The following KCNMB2 variants were observed in gnomAD, a reference collection of about 807,000 sequenced individuals.
KCNMB2 encodes the protein potassium calcium-activated channel subfamily M regulatory beta subunit 2, also known as calcium-activated potassium channel subunit beta-2.
Under a neutral mutation model 24.5 loss-of-function variants are expected in KCNMB2, and 9 were observed. The ratio of observed to expected loss-of-function variants is 0.37; its 90% confidence interval spans 0.22 to 0.64. KCNMB2 has a LOEUF of 0.64. KCNMB2 is among the 30% of genes least tolerant of loss of function. The probability of loss-of-function intolerance (pLI) is 0.63; values close to 1 mark genes in which losing one functional copy is unlikely to be tolerated. For synonymous variants in KCNMB2, 109 were observed against 104.4 expected (o/e 1.04, Z -0.27); for missense variants, 226 against 284.3 (o/e 0.79, Z 1.47).
intron 1 of KCNMB2, among the ~76,000 whole-genome samples, chr3:178,609,894 T>TC (rs1359074629): frequency 6.6e-6 from 1 of 152,146 alleles, no homozygotes; most frequent in Non-Finnish European, 1.5e-5. Flanking sequence ...TACCTTGGCC[T>TC]CCCAAAGTGC....
intron 1 of KCNMB2, among the ~76,000 whole-genome samples, chr3:178,773,680 T>C (rs1161762381): frequency 6.6e-6 from 1 of 152,194 alleles, no homozygotes; most frequent in East Asian, 1.9e-4. Context: ...CCAGGGATAT[T>C]CTTCCAAAGG....
At chr3:178,577,515 T>G (rs561599068) in intron 1 of KCNMB2, among the ~76,000 whole-genome samples, 1 of 152,270 alleles carries the variant, frequency 6.6e-6, no homozygotes, top group South Asian at 2.1e-4. Flanking sequence ...GGACAGAGAA[T>G]GAGTTTGATG....
At chr3:178,636,233 T>G (rs1264316653) in intron 1 of KCNMB2, among the ~76,000 whole-genome samples, 1 of 152,122 alleles carries the variant, frequency 6.6e-6, no homozygotes, top group African/African-American at 2.4e-5. Flanking sequence ...ATATAATGGA[T>G]TGTAGGAACT....
At chr3:178,812,777 C>T (rs901770144) in intron 2 of KCNMB2, among the ~76,000 whole-genome samples, 1 of 152,054 alleles carries the variant, frequency 6.6e-6, no homozygotes, top group African/African-American at 2.4e-5. Flanking sequence ...GTTTTTGAAT[C>T]TCTATTCTGT....
At chr3:178,669,802 T>C (rs1720839114) in intron 1 of KCNMB2, among the ~76,000 whole-genome samples, 1 of 152,182 alleles carries the variant, frequency 6.6e-6, no homozygotes, top group African/African-American at 2.4e-5. Flanking sequence ...GAAGGAACCA[T>C]GTGTGACATG....
At chr3:178,734,713 A>G (rs1178326009) in intron 1 of KCNMB2, among the ~76,000 whole-genome samples, 1 of 152,228 alleles carries the variant, frequency 6.6e-6, no homozygotes, top group Non-Finnish European at 1.5e-5. Flanking sequence ...GCCAGATTCC[A>G]GAAGAATTCT....
chr3:178,653,347 T>C (rs1295296410), intron 1 of KCNMB2, among the ~76,000 whole-genome samples: 2 of 152,156 alleles, frequency 1.3e-5, no homozygotes, highest in Non-Finnish European at 2.9e-5. Flanking sequence ...TTCTTTTTTA[T>C]GTTTGATGTA....
At chr3:178,537,230 A>T (rs1330868041) in intron 1 of KCNMB2, 3 of 152,178 alleles carry the variant, frequency 2.0e-5, no homozygotes, top group Non-Finnish European at 4.4e-5. Context: ...ACTATTTCCT[A>T]TGTAATCCAT....
At chr3:178,752,569 T>C (rs904870834) in intron 1 of KCNMB2, among the ~76,000 whole-genome samples, 3 of 152,178 alleles carry the variant, frequency 2.0e-5, no homozygotes, top group Non-Finnish European at 4.4e-5. Flanking sequence ...TAATACCAGA[T>C]GTGCATTTCA....
At chr3:178,694,569 C>G (rs556467848) in intron 1 of KCNMB2, among the ~76,000 whole-genome samples, 1 of 152,332 alleles carries the variant, frequency 6.6e-6, no homozygotes, top group East Asian at 1.9e-4. Context: ...GGGGTACAGG[C>G]ACTGGGTAAG....
At chr3:178,733,276 T>C (rs6771430) in intron 1 of KCNMB2, among the ~76,000 whole-genome samples, 18,017 of 151,988 alleles carry the variant, frequency 0.12, 1,149 homozygotes, top group Non-Finnish European at 0.14. Flanking sequence ...ATCACTGATA[T>C]ACTCCAAGCA....
chr3:178,540,256 C>T (rs1319063654), intron 1 of KCNMB2, among the ~76,000 whole-genome samples: 1 of 152,150 alleles, frequency 6.6e-6, no homozygotes, highest in African/African-American at 2.4e-5. Flanking sequence ...CTGTGCCTAG[C>T]TTTAATTATT....
chr3:178,725,211 C>T (rs1184919427), intron 1 of KCNMB2, among the ~76,000 whole-genome samples: 1 of 151,982 alleles, frequency 6.6e-6, no homozygotes, highest in East Asian at 1.9e-4. Flanking sequence ...TTATAGTTCT[C>T]CTCATAGAAA....
At chr3:178,738,258 T>C (rs1417777501) in intron 1 of KCNMB2, among the ~76,000 whole-genome samples, 2 of 152,118 alleles carry the variant, frequency 1.3e-5, no homozygotes, top group Non-Finnish European at 2.9e-5. Flanking sequence ...GCTCTTCAAC[T>C]TCATTCCCAC....
chr3:178,704,094 A>T (rs999870451), intron 1 of KCNMB2, among the ~76,000 whole-genome samples: 6 of 152,116 alleles, frequency 3.9e-5, no homozygotes, highest in Admixed American at 1.3e-4. Context: ...GAAATTGACA[A>T]AGTCTTTTTA....
rs142045660 is a variant in KCNMB2 at position 178,736,092 on chromosome 3, C to A, written c.-67-71251C>A. Among the ~76,000 whole-genome samples the A allele has an allele frequency of 3.6e-3, 552 of 152,244 alleles. 1 individual carries two copies. The highest frequency in any genetic ancestry group is 5.5e-3 in the Non-Finnish European group (372 of 68,008). ...ACAAGGATTGCCCTGGGATTCCAGA[C>A]TAGTGAGTGATAGAGCTAGGCTGCA... On this transcript the variant is annotated intron_variant, in intron 1 of 4. Transcript: ENST00000452583.
At chr3:178,638,324 C>T (rs1719602266) in intron 1 of KCNMB2, among the ~76,000 whole-genome samples, 1 of 152,106 alleles carries the variant, frequency 6.6e-6, no homozygotes. Context: ...TGGTTCATTT[C>T]CTTCTAATCT....
chr3:178,701,207 A>G (rs534361290), intron 1 of KCNMB2, among the ~76,000 whole-genome samples: 1 of 152,342 alleles, frequency 6.6e-6, no homozygotes, highest in South Asian at 2.1e-4. Context: ...CATTTGTTAA[A>G]TAGGGAATCC....
At chr3:178,613,957 C>T (rs1431579870) in intron 1 of KCNMB2, among the ~76,000 whole-genome samples, 1 of 151,676 alleles carries the variant, frequency 6.6e-6, no homozygotes, top group Non-Finnish European at 1.5e-5. Context: ...CCTTTTGAGG[C>T]TATTTTCTTG....
Sources: allele counts gnomAD v4.1 joint callset (sites outside exome capture counted in the v4.1 genomes callset), GRCh38; gene constraint gnomAD v4.1.1; transcripts MANE v1.5; gene names NCBI Gene and HGNC (gene_info 2026-07-23, HGNC 2026-07-21).